SBF2: variants seen among roughly 807,000 people sequenced by gnomAD.
The protein encoded by SBF2 is myotubularin-related protein 13.
Under a neutral mutation model 225.2 loss-of-function variants are expected in SBF2, and 112 were observed. The observed-to-expected ratio is 0.50, with a 90% CI of 0.43 to 0.58. The LOEUF (loss-of-function observed/expected upper bound fraction) is 0.58. Among genes scored for constraint, SBF2 ranks in the 20% least tolerant of loss-of-function variants. The pLI is 0.00. For synonymous variants in SBF2, 763 were observed against 773.3 expected (o/e 0.99, Z 0.22); for missense variants, 1,996 against 2,206.2 (o/e 0.90, Z 1.91).
chr11:10,145,489 T>G (rs1470908781), intron 2 of SBF2, among the ~76,000 whole-genome samples: 2 of 152,060 alleles, frequency 1.3e-5, no homozygotes, highest in African/African-American at 4.8e-5. Context: ...ATGGGAGGGG[T>G]ATAAAAGAGC....
intron 1 of SBF2, among the ~76,000 whole-genome samples, chr11:10,199,105 G>T (rs1223842694): frequency 6.6e-6 from 1 of 152,060 alleles, no homozygotes; most frequent in Non-Finnish European, 1.5e-5. Context: ...ATTTTGATTT[G>T]AAGTGAGAGA....
In SBF2 at chr11:10,000,936, A is replaced by T; in HGVS notation, c.839T>A (p.Phe280Tyr). Reference sequence around the variant, plus strand: ...TACAAGTTCATGGACATCAGTTTTAAAGACAGAATGTACTCCAATAATGAA... The same window carrying T: ...TACAAGTTCATGGACATCAGTTTTATAGACAGAATGTACTCCAATAATGAA... ...TPFIIGVHSV[F>Y]KTDVHELLDV... The change falls in exon 8 of 40, where the codon TTT becomes TAT. Residue 280 changes from phenylalanine (F) to tyrosine (Y), a missense_variant. Physicochemically the swap from Phe to Tyr is conservative, Grantham distance 22. Transcript: ENST00000256190. The T allele has an allele frequency of 6.3e-7, 1 of 1,595,300 alleles. No homozygotes were observed. The highest frequency in any genetic ancestry group is 8.6e-7 in the Non-Finnish European group (1 of 1,162,998).
At chr11:10,001,689 T>C (rs1947965963) in intron 7 of SBF2, among the ~76,000 whole-genome samples, 1 of 152,038 alleles carries the variant, frequency 6.6e-6, no homozygotes, top group Admixed American at 6.5e-5. Context: ...CATGCCCGGC[T>C]AGCTTTTTCT....
intron 16 of SBF2, among the ~76,000 whole-genome samples, chr11:9,914,880 T>C (rs1018468826): frequency 1.6e-5 from 2 of 126,104 alleles, no homozygotes; most frequent in African/African-American, 6.0e-5. Context: ...GTAACAAATA[T>C]ACCACTATGT....
rs990245891 is a variant in SBF2 at position 10,044,458 on chromosome 11, T to G, written c.142-1477A>C. 1.2e-4 allele frequency: 19 copies of G among 158,852 alleles called. 1 individual carries two copies. In the South Asian group the frequency reaches 2.0e-3, roughly 17 times the overall value. The allele number at this position is 158,852 out of a possible 1,614,324, so 9.8% of individuals were successfully genotyped here. On this transcript the variant is annotated intron_variant, in intron 2 of 39. Coordinates refer to ENST00000256190, the MANE Select transcript of SBF2 (RefSeq NM_030962.4). Reference sequence around the variant, plus strand: ...AAAGTAATAAAATAAGCAAATGATATAATAAGCAAATTGCAACGCAAAGGG... The same window carrying G: ...AAAGTAATAAAATAAGCAAATGATAGAATAAGCAAATTGCAACGCAAAGGG...
At chr11:9,878,876 A>G (rs748226009) in intron 17 of SBF2, among the ~76,000 whole-genome samples, 2 of 152,204 alleles carry the variant, frequency 1.3e-5, no homozygotes, top group African/African-American at 4.8e-5. Flanking sequence ...ACCGAGGGTT[A>G]AGCTCATGCT....
intron 2 of SBF2, among the ~76,000 whole-genome samples, chr11:10,094,112 C>A (rs1951903193): frequency 6.6e-6 from 1 of 152,162 alleles, no homozygotes; most frequent in African/African-American, 2.4e-5. Flanking sequence ...AGGTGGATCA[C>A]CTAAGGTCAG....
rs1054702810 is a variant in SBF2, at chr11:10,152,929, GA to G, written c.141+40972del. 7.2e-5 allele frequency among the ~76,000 whole-genome samples: 11 copies of G among 152,224 alleles called. No individual in the cohort carries two copies. The South Asian group carries it at 1.5e-3, about 20-fold the overall frequency. On this transcript the variant is annotated intron_variant, in intron 2 of 39. Coordinates refer to ENST00000256190, the MANE Select transcript of SBF2 (RefSeq NM_030962.4). ...AAAATCCGTAATACATTTTCTGGGG[GA>G]AAAAAAGCCAATAAAACATGGCTGA... is the stretch of plus-strand genomic sequence containing the variant.
rs1219323842 is a variant in SBF2, at chr11:10,268,049, G to A, written c.55+25966C>T. Among the ~76,000 whole-genome samples the A allele has an allele frequency of 5.3e-5, 8 of 152,200 alleles. No homozygotes were observed. The South Asian group carries it at 6.2e-4, about 12-fold the overall frequency. ...TTCTTTTCAAATTCCCTAGAAGACCGCGTAGGACAAGTATATGAAGCATTT... is the reference window on the plus strand; with the variant it reads ...TTCTTTTCAAATTCCCTAGAAGACCACGTAGGACAAGTATATGAAGCATTT... On this transcript the variant is annotated intron_variant, in intron 1 of 39. Coordinates refer to ENST00000256190, the MANE Select transcript of SBF2 (RefSeq NM_030962.4).
intron 32 of SBF2, among the ~76,000 whole-genome samples, chr11:9,799,220 C>T (rs1853334833): frequency 6.6e-6 from 1 of 152,090 alleles, no homozygotes; most frequent in Non-Finnish European, 1.5e-5. Flanking sequence ...AACGTCTTTA[C>T]AAGTCAAAAA....
At chr11:10,192,827 T>TAGAAGCA (rs1287890602) in intron 2 of SBF2, among the ~76,000 whole-genome samples, 1 of 152,206 alleles carries the variant, frequency 6.6e-6, no homozygotes, top group Non-Finnish European at 1.5e-5. Context: ...TGCTTCTATG[T>TAGAAGCA]GTTTATGTGT....
chr11:9,936,195 TGAAA>T (rs1387349632), intron 16 of SBF2, among the ~76,000 whole-genome samples: 1 of 152,208 alleles, frequency 6.6e-6, no homozygotes, highest in African/African-American at 2.4e-5. Context: ...AACAGACTTA[TGAAA>T]GAATGCTCAT....
At chr11:9,926,623 C>G (rs1363190400) in intron 16 of SBF2, among the ~76,000 whole-genome samples, 1 of 151,890 alleles carries the variant, frequency 6.6e-6, no homozygotes, top group Non-Finnish European at 1.5e-5. Flanking sequence ...ATAATATAAA[C>G]TACATAACAT....
intron 32 of SBF2, among the ~76,000 whole-genome samples, chr11:9,798,951 C>CAAAAA (rs11452749): frequency 5.2e-5 from 7 of 135,386 alleles, no homozygotes; most frequent in Non-Finnish European, 7.8e-5. Context: ...GACTCCGTCT[C>CAAAAA]AAAAAAAAAA....
chr11:10,237,084 C>A (rs1044975676), intron 1 of SBF2, among the ~76,000 whole-genome samples: 4 of 152,140 alleles, frequency 2.6e-5, no homozygotes, highest in African/African-American at 9.7e-5. Flanking sequence ...GAATGTGGAA[C>A]AAAAACTGGA....
At chr11:10,001,820 C>G (rs542834356) in intron 7 of SBF2, among the ~76,000 whole-genome samples, 128 of 152,116 alleles carry the variant, frequency 8.4e-4, no homozygotes, top group African/African-American at 3.0e-3. Context: ...GCCACTGCGC[C>G]TGGCCAAAAA....
rs945352110 is a variant in SBF2, at chr11:9,926,007, T to G, written c.1861-29996A>C. The stretch of plus-strand genomic sequence containing the variant: ...AGTTATAGATAAAAGAGAGAACAGT[T>G]TGAACTTCAAAGGGTATCAAAGTCA... On this transcript the variant is annotated intron_variant, in intron 16 of 39. Transcript: ENST00000256190. 3.3e-5 allele frequency among the ~76,000 whole-genome samples: 5 copies of G among 152,284 alleles called. No individual in the cohort carries two copies. The East Asian group carries it at 9.6e-4, about 29-fold the overall frequency.
intron 2 of SBF2, among the ~76,000 whole-genome samples, chr11:10,162,940 A>G (rs1403671855): frequency 2.0e-5 from 3 of 152,108 alleles, no homozygotes; most frequent in Non-Finnish European, 2.9e-5. Flanking sequence ...TTTTCAGCTG[A>G]GTCTTTAGAC....
intron 14 of SBF2, among the ~76,000 whole-genome samples, chr11:9,965,847 C>T (rs937201446): frequency 5.9e-5 from 9 of 152,118 alleles, no homozygotes; most frequent in Non-Finnish European, 1.2e-4. Flanking sequence ...CGTGACTTTT[C>T]TCTCTGAAAT....
Sources: gnomAD v4.1 joint callset for allele counts (sites outside exome capture counted in the v4.1 genomes callset) on GRCh38, gnomAD v4.1.1 for gene constraint, MANE v1.5 for transcripts, NCBI Gene and HGNC (gene_info 2026-07-23, HGNC 2026-07-21) for gene names.